The following ANKS1B variants were observed in gnomAD, a reference collection of about 807,000 sequenced individuals.
ANKS1B encodes the protein ankyrin repeat and sterile alpha motif domain containing 1B, also known as ankyrin repeat and sterile alpha motif domain-containing protein 1B.
In ANKS1B, 36 loss-of-function variants were observed where a neutral mutation model predicts 148.3. That is an observed-to-expected ratio of 0.24 (90% confidence interval 0.19 to 0.32). ANKS1B has a LOEUF of 0.32. Ranked by LOEUF, ANKS1B falls within the 10% of genes least tolerant of loss-of-function variation. ANKS1B has a pLI of 1.00. For synonymous variants in ANKS1B, 542 were observed against 560.8 expected (o/e 0.97, Z 0.47); for missense variants, 1,157 against 1,542.6 (o/e 0.75, Z 4.19).
intron 11 of ANKS1B, among the ~76,000 whole-genome samples, chr12:99,429,159 A>C (rs185426315): frequency 1.3e-5 from 2 of 152,202 alleles, no homozygotes; most frequent in Non-Finnish European, 2.9e-5. Context: ...ACAAACAAAC[A>C]AACAAACAAA....
intron 17 of ANKS1B, among the ~76,000 whole-genome samples, chr12:98,995,107 T>C (rs1332589348): frequency 2.0e-5 from 3 of 152,234 alleles, no homozygotes; most frequent in African/African-American, 7.2e-5. Flanking sequence ...AAAATATTTC[T>C]TGAGTAAAAT....
rs532123582 is a variant in ANKS1B at position 99,568,183 on chromosome 12, G to A, written c.1273-63542C>T. Among the ~76,000 whole-genome samples, 12 of 152,214 alleles carry A rather than the reference G, an allele frequency of 7.9e-5. No individual in the cohort carries two copies. In the East Asian group the frequency reaches 2.1e-3, roughly 27 times the overall value. ...GTCAGCAGGGATGCATTCCTTCTAG[G>A]GGCTCTAGGAGAATCTGTTTTCTTG... On this transcript the variant is annotated intron_variant, in intron 9 of 26. Transcript: ENST00000683438.
At chr12:99,587,959 A>G (rs1281340337) in intron 9 of ANKS1B, among the ~76,000 whole-genome samples, 1 of 152,182 alleles carries the variant, frequency 6.6e-6, no homozygotes, top group African/African-American at 2.4e-5. Context: ...ACAAAGGAGA[A>G]ACAGGGGTGG....
At chr12:99,811,425 G>T (rs753122563) in intron 3 of ANKS1B, among the ~76,000 whole-genome samples, 9 of 151,892 alleles carry the variant, frequency 5.9e-5, no homozygotes, top group Non-Finnish European at 1.2e-4. Context: ...ACAGTAGGGG[G>T]CATGCAGAGA....
At chr12:99,936,796 C>A (rs1042906498) in intron 1 of ANKS1B, among the ~76,000 whole-genome samples, 1 of 152,150 alleles carries the variant, frequency 6.6e-6, no homozygotes, top group African/African-American at 2.4e-5. Flanking sequence ...TGCATAAATT[C>A]ACACTAGAAA....
intron 15 of ANKS1B, among the ~76,000 whole-genome samples, chr12:99,150,189 C>G (rs1054344532): frequency 6.6e-6 from 1 of 152,172 alleles, no homozygotes; most frequent in African/African-American, 2.4e-5. Flanking sequence ...CTACAACAAT[C>G]TGTTGTGCTT....
intron 9 of ANKS1B, among the ~76,000 whole-genome samples, chr12:99,534,705 CTTTTCT>C (rs1489358261): frequency 7.1e-6 from 1 of 140,276 alleles, no homozygotes; most frequent in Non-Finnish European, 1.6e-5. Flanking sequence ...TTTCTTTTTT[CTTTTCT>C]TTTTTTTTTT....
At chr12:99,256,702 T>G (rs1377230184) in intron 12 of ANKS1B, among the ~76,000 whole-genome samples, 2 of 152,212 alleles carry the variant, frequency 1.3e-5, no homozygotes, top group Non-Finnish European at 2.9e-5. Flanking sequence ...GGCTTTCATC[T>G]TTCCTTGTTA....
intron 8 of ANKS1B, among the ~76,000 whole-genome samples, chr12:99,672,985 A>C (rs893314169): frequency 1.3e-5 from 2 of 152,164 alleles, no homozygotes; most frequent in African/African-American, 4.8e-5. Context: ...CTGATTTTAC[A>C]TAAAATCAAA....
chr12:98,864,930 T>C (rs1484411709), intron 17 of ANKS1B, among the ~76,000 whole-genome samples: 1 of 152,200 alleles, frequency 6.6e-6, no homozygotes, highest in Non-Finnish European at 1.5e-5. Context: ...TTAGGCAGGA[T>C]AAACTTGAAG....
chr12:99,523,959 G>A (rs2096901939), intron 9 of ANKS1B, among the ~76,000 whole-genome samples: 1 of 152,120 alleles, frequency 6.6e-6, no homozygotes, highest in African/African-American at 2.4e-5. Context: ...TAGTACTATG[G>A]TACAAGTTAC....
intron 1 of ANKS1B, among the ~76,000 whole-genome samples, chr12:99,980,967 G>A (rs1287609455): frequency 6.6e-6 from 1 of 151,996 alleles, no homozygotes; most frequent in Non-Finnish European, 1.5e-5. Flanking sequence ...GGTAAGAAAT[G>A]TTACAGAGAA....
chr12:99,744,991 CAAAAAAAAAAAAA>C (rs55904412), intron 8 of ANKS1B, among the ~76,000 whole-genome samples: 6 of 52,082 alleles, frequency 1.2e-4, no homozygotes, highest in Non-Finnish European at 1.6e-4. Context: ...GACTCTGTCT[CAAAAAAAAAAAAA>C]AAAAAAAAAA....
At chr12:99,151,619 A>G (rs2074954147) in intron 15 of ANKS1B, among the ~76,000 whole-genome samples, 1 of 152,100 alleles carries the variant, frequency 6.6e-6, no homozygotes, top group Admixed American at 6.6e-5. Flanking sequence ...TATTAAAGAT[A>G]ATAATAGCTA....
At chr12:99,253,942 A>G (rs1189489323) in intron 12 of ANKS1B, among the ~76,000 whole-genome samples, 1 of 152,214 alleles carries the variant, frequency 6.6e-6, no homozygotes, top group Non-Finnish European at 1.5e-5. Flanking sequence ...GAATATCAGA[A>G]ATATCAGAGA....
At chr12:99,591,184 G>A (rs2097699638) in intron 9 of ANKS1B, among the ~76,000 whole-genome samples, 1 of 151,916 alleles carries the variant, frequency 6.6e-6, no homozygotes, top group South Asian at 2.1e-4. Flanking sequence ...TGACTTTACA[G>A]AGTTAGTCCC....
At chr12:99,473,647 G>C (rs993487216) in intron 10 of ANKS1B, among the ~76,000 whole-genome samples, 7 of 151,954 alleles carry the variant, frequency 4.6e-5, no homozygotes, top group African/African-American at 1.7e-4. Context: ...AATACAACTG[G>C]CACCTCATTG....
intron 8 of ANKS1B, among the ~76,000 whole-genome samples, chr12:99,693,033 C>T (rs1198405146): frequency 6.6e-6 from 1 of 152,028 alleles, no homozygotes; most frequent in African/African-American, 2.4e-5. Flanking sequence ...GTTTTCTGTG[C>T]CTAATCCCTG....
intron 12 of ANKS1B, among the ~76,000 whole-genome samples, chr12:99,295,605 T>C (rs1182660729): frequency 1.3e-5 from 2 of 152,230 alleles, no homozygotes; most frequent in African/African-American, 4.8e-5. Context: ...TTCAGTGTCA[T>C]TCTTTTAAAG....
Sources: allele counts gnomAD v4.1 joint callset (sites outside exome capture counted in the v4.1 genomes callset), GRCh38; gene constraint gnomAD v4.1.1; transcripts MANE v1.5; gene names NCBI Gene and HGNC (gene_info 2026-07-23, HGNC 2026-07-21).